The following SEMA5A variants were observed in gnomAD, a reference collection of about 807,000 sequenced individuals.
The protein encoded by SEMA5A is semaphorin-5A.
Under a neutral mutation model 135.5 loss-of-function variants are expected in SEMA5A, and 55 were observed. That is an observed-to-expected ratio of 0.41 (90% CI 0.33 to 0.51). The LOEUF is 0.51. Among genes scored for constraint, SEMA5A ranks in the 20% least tolerant of loss-of-function variants. The pLI is 0.37. For synonymous variants in SEMA5A, 580 were observed against 546.5 expected (o/e 1.06, Z -0.85); for missense variants, 1,290 against 1,419.9 (o/e 0.91, Z 1.47).
intron 1 of SEMA5A, among the ~76,000 whole-genome samples, chr5:9,473,892 A>G (rs1483257339): frequency 6.6e-6 from 1 of 152,160 alleles, no homozygotes; most frequent in African/African-American, 2.4e-5. Context: ...CAAATGCTGA[A>G]AGAGCAGAGC....
chr5:9,428,329 A>C (rs1466177925), intron 2 of SEMA5A, among the ~76,000 whole-genome samples: 2 of 152,122 alleles, frequency 1.3e-5, no homozygotes, highest in East Asian at 1.9e-4. Context: ...CCTGACAGTC[A>C]TGCTGTGCTG....
chr5:9,267,821 C>CG (rs534131754), intron 5 of SEMA5A, among the ~76,000 whole-genome samples: 152 of 152,180 alleles, frequency 1.0e-3, no homozygotes, highest in African/African-American at 3.6e-3. Flanking sequence ...TTACAGAACA[C>CG]GTGGATAACT....
At chr5:9,535,620 C>G in intron 1 of SEMA5A, among the ~76,000 whole-genome samples, 1 of 151,886 alleles carries the variant, frequency 6.6e-6, no homozygotes, top group Non-Finnish European at 1.5e-5. Context: ...GGAATACTTT[C>G]AACTCAACCA....
chr5:9,108,912 T>C (rs1740074272), intron 15 of SEMA5A, among the ~76,000 whole-genome samples: 1 of 152,150 alleles, frequency 6.6e-6, no homozygotes, highest in Non-Finnish European at 1.5e-5. Flanking sequence ...TTACAAATAT[T>C]AGTTCTATTT....
intron 13 of SEMA5A, 74 bp from the exon 14 acceptor site, chr5:9,122,911 C>A: frequency 7.6e-7 from 1 of 1,318,566 alleles, no homozygotes; most frequent in Non-Finnish European, 1.0e-6. Flanking sequence ...AATTAAAAAT[C>A]CCTCATAAGA....
At position 9,336,188 on chromosome 5, in the gene SEMA5A, C is replaced by T. The variant is rs1753382990; in HGVS notation, c.224+1525G>A. 1.3e-5 allele frequency among the ~76,000 whole-genome samples: 2 copies of T among 151,998 alleles called. 1 individual carries two copies. Among genetic ancestry groups the T allele is most frequent in the Admixed American group, 1.3e-4 (2 of 15,258 alleles). ...GAGAAAGAGGTCAGAAGGGAAAAAG[C>T]CCAGAGGCAAGAAAGAGCATATTCC... On this transcript the variant is annotated intron_variant, in intron 4 of 22. Transcript: ENST00000382496.
intron 1 of SEMA5A, among the ~76,000 whole-genome samples, chr5:9,471,096 T>C (rs1759460094): frequency 6.6e-6 from 1 of 152,210 alleles, no homozygotes; most frequent in Admixed American, 6.5e-5. Flanking sequence ...GAACTGACTC[T>C]GCTTTCTGCC....
At chr5:9,319,867 C>T (rs1752548998) in intron 4 of SEMA5A, among the ~76,000 whole-genome samples, 1 of 151,762 alleles carries the variant, frequency 6.6e-6, no homozygotes, top group South Asian at 2.1e-4. Context: ...GGACATATAT[C>T]CCAGTAGAAG....
rs35562057 is a variant in SEMA5A, at chr5:9,193,732, T to C, written c.1069-3261A>G. 5.3e-3 allele frequency among the ~76,000 whole-genome samples: 804 copies of C among 152,162 alleles called. 8 individuals are homozygous for C. The highest frequency in any genetic ancestry group is 4.9e-3 in the Non-Finnish European group (331 of 67,996). On this transcript the variant is annotated intron_variant, in intron 10 of 22. Transcript: ENST00000382496. ...GGTCAAGATGGTGAAACCTCGTCTGTACTAAAAATACAAAAAAATGCCTGG... is the reference window on the plus strand; with the variant it reads ...GGTCAAGATGGTGAAACCTCGTCTGCACTAAAAATACAAAAAAATGCCTGG...
chr5:9,265,195 C>T (rs915666951), intron 5 of SEMA5A, among the ~76,000 whole-genome samples: 3 of 152,202 alleles, frequency 2.0e-5, no homozygotes, highest in Middle Eastern at 3.4e-3. Context: ...TTCAGCTCCA[C>T]GGTCGTGTGC....
chr5:9,074,949 A>G (rs537795677), intron 16 of SEMA5A, among the ~76,000 whole-genome samples: 1 of 152,256 alleles, frequency 6.6e-6, no homozygotes, highest in South Asian at 2.1e-4. Context: ...AAAAGACTCA[A>G]TTTTCAGAAT....
At chr5:9,357,367 A>C (rs1172208851) in intron 3 of SEMA5A, among the ~76,000 whole-genome samples, 2 of 152,232 alleles carry the variant, frequency 1.3e-5, no homozygotes. Context: ...GAGGAAGAAA[A>C]GTCAAGCTAA....
chr5:9,081,745 T>G (rs1020105767), intron 16 of SEMA5A, among the ~76,000 whole-genome samples: 1 of 152,202 alleles, frequency 6.6e-6, no homozygotes, highest in Admixed American at 6.5e-5. Context: ...TCCAGAATAG[T>G]GATGAACTAT....
intron 11 of SEMA5A, among the ~76,000 whole-genome samples, chr5:9,162,418 G>A (rs1743310353): frequency 6.8e-6 from 1 of 147,720 alleles, no homozygotes; most frequent in African/African-American, 2.5e-5. Flanking sequence ...ATATATGTGT[G>A]TGTATATATA....
intron 5 of SEMA5A, among the ~76,000 whole-genome samples, chr5:9,285,324 AT>A: frequency 6.6e-6 from 1 of 152,278 alleles, no homozygotes; most frequent in African/African-American, 2.4e-5. Flanking sequence ...CTCCGTAAAT[AT>A]CCCCCTTTCC....
chr5:9,440,744 TC>T (rs1270664478), intron 1 of SEMA5A, among the ~76,000 whole-genome samples: 1 of 152,210 alleles, frequency 6.6e-6, no homozygotes, highest in Non-Finnish European at 1.5e-5. Flanking sequence ...TGCAACCTTC[TC>T]CCTGCCCAAC....
At chr5:9,487,000 C>T (rs1412092171) in intron 1 of SEMA5A, among the ~76,000 whole-genome samples, 1 of 128,670 alleles carries the variant, frequency 7.8e-6, no homozygotes, top group African/African-American at 3.0e-5. Context: ...CATAGTTTGC[C>T]AACCATAGAT....
intron 15 of SEMA5A, among the ~76,000 whole-genome samples, chr5:9,108,727 G>C (rs1015188538): frequency 6.6e-6 from 1 of 152,062 alleles, no homozygotes; most frequent in Non-Finnish European, 1.5e-5. Flanking sequence ...AATCAAATAA[G>C]CCCATAGTTA....
chr5:9,061,505 G>A (rs561072060), intron 18 of SEMA5A, among the ~76,000 whole-genome samples: 14 of 152,248 alleles, frequency 9.2e-5, no homozygotes, highest in African/African-American at 2.4e-4. Context: ...TGGCCATGAC[G>A]TGTGGGCTGA....
Sources: allele counts gnomAD v4.1 joint callset (sites outside exome capture counted in the v4.1 genomes callset), GRCh38; gene constraint gnomAD v4.1.1; transcripts MANE v1.5; gene names NCBI Gene and HGNC (gene_info 2026-07-23, HGNC 2026-07-21).